The following ACSM5 variants were observed in gnomAD, a reference collection of about 807,000 sequenced individuals.
ACSM5 encodes the protein acyl-coenzyme A synthetase ACSM5, mitochondrial.
A neutral mutation model predicts 71.6 loss-of-function variants in ACSM5; 56 were observed. That is an observed-to-expected ratio of 0.78 (90% CI 0.63 to 0.98). The LOEUF is 0.98. Among genes scored for constraint, ACSM5 ranks in the 50% least tolerant of loss-of-function variants. The pLI is 0.00. For missense variants in ACSM5, 723 were observed against 726.0 expected (o/e 1.00, Z 0.05); for synonymous variants, 285 against 281.5 (o/e 1.01, Z -0.12).
chr16:20,429,087 T>G (rs1967044859), intron 7 of ACSM5, among the ~76,000 whole-genome samples: 1 of 152,200 alleles, frequency 6.6e-6, no homozygotes, highest in South Asian at 2.1e-4. Flanking sequence ...CTCAGCTCAC[T>G]GCAACATCTG....
rs756257190 is a variant in ACSM5 at position 20,437,077 on chromosome 16, C to T, written c.1334C>T (p.Ser445Leu). The T allele has an allele frequency of 4.5e-5, 73 of 1,614,004 alleles. 1 individual carries two copies. In the South Asian group the frequency reaches 7.6e-4, roughly 17 times the overall value. ...YLDNPEKTAA[S>L]EQGDFYITGD... ...GACAATCCTGAGAAGACAGCTGCAT[C>T]AGAACAAGGGGACTTTTACATCACA... The change falls in exon 11 of 14, where the codon TCA (serine) becomes TTA (leucine). Residue 445 changes from serine to leucine, a missense_variant. By Grantham distance (145) the Ser-to-Leu change is moderately radical. Coordinates refer to ENST00000331849, the MANE Select transcript of ACSM5 (RefSeq NM_017888.3).
Position 20,418,097 on chromosome 16 carries a change from C to A in ACSM5, c.243C>A (p.Val81=). Residue 81 remains valine (V), a synonymous_variant, in exon 3 of 14, where the codon GTC becomes GTA. Transcript: ENST00000331849. Reference sequence around the variant, plus strand: ...CCCCAAATCCTGCCTTCTGGTGGGTCAATGGCACAGGAGCAGAGATCAAGT... The same window carrying A: ...CCCCAAATCCTGCCTTCTGGTGGGTAAATGGCACAGGAGCAGAGATCAAGT... ...HRPPNPAFWW[V]NGTGAEIKWS... 1 of 1,613,810 alleles carries A rather than the reference C, an allele frequency of 6.2e-7. No individual in the cohort carries two copies.
intron 6 of ACSM5, among the ~76,000 whole-genome samples, chr16:20,426,127 C>G (rs1204819614): frequency 1.3e-5 from 2 of 152,146 alleles, no homozygotes; most frequent in Non-Finnish European, 2.9e-5. Flanking sequence ...GCCATTCTTG[C>G]AGGAGTAAGC....
rs537773819 is a variant in ACSM5 at position 20,433,281 on chromosome 16, C to T, written c.1308+1960C>T. Among the ~76,000 whole-genome samples the T allele has an allele frequency of 1.2e-4, 18 of 152,340 alleles. No homozygotes were observed. In the East Asian group the frequency reaches 2.3e-3, roughly 20 times the overall value. On this transcript the variant is annotated intron_variant, in intron 10 of 13. Coordinates refer to ENST00000331849, the MANE Select transcript of ACSM5 (RefSeq NM_017888.3). ...TCTGTGAGTTTTGATAAGCTAAGCT[C>T]ATTCTCCCCCTACAATAAACATAAA... is the stretch of plus-strand genomic sequence containing the variant.
In ACSM5 at chr16:20,441,182, TA is replaced by T. The variant is rs1253394544; in HGVS notation, c.*757del. Reference sequence around the variant, plus strand: ...TGAAAAATAAAGGGAAAACTGTGGTTAATTGTAATCCTCCTGGAGATTGAGG... The same window carrying T: ...TGAAAAATAAAGGGAAAACTGTGGTTATTGTAATCCTCCTGGAGATTGAGG... On this transcript the variant is annotated 3_prime_UTR_variant, in exon 14 of 14. Transcript: ENST00000331849. The T allele has an allele frequency of 1.3e-5, 2 of 152,196 alleles. No homozygotes were observed. Among genetic ancestry groups the T allele is most frequent in the African/African-American group, 2.4e-5 (1 of 41,456 alleles). 9.4% of individuals were successfully genotyped at this position (152,196 alleles called of 1,614,324 possible).
At chr16:20,437,224 G>T in intron 11 of ACSM5, 44 bp from the exon 12 acceptor site, 1 of 1,614,124 alleles carries the variant, frequency 6.2e-7, no homozygotes, top group Non-Finnish European at 8.5e-7. Flanking sequence ...ATTTCATGGG[G>T]GTTGAGGGAA....
At chr16:20,429,173 G>A (rs1393940921) in intron 7 of ACSM5, among the ~76,000 whole-genome samples, 4 of 152,014 alleles carry the variant, frequency 2.6e-5, no homozygotes, top group Non-Finnish European at 5.9e-5. Flanking sequence ...ACCATACCCA[G>A]CTAATTTTTA....
At chr16:20,423,781 T>A (rs1596616599) in intron 5 of ACSM5, 135 bp from the exon 6 acceptor site, 6 of 1,008,432 alleles carry the variant, frequency 5.9e-6, no homozygotes, top group East Asian at 2.4e-5. Context: ...GTTGACTTGA[T>A]GGTCTTGTTC....
chr16:20,438,541 C>T (rs1323336185), intron 12 of ACSM5, among the ~76,000 whole-genome samples: 2 of 148,702 alleles, frequency 1.3e-5, no homozygotes, highest in African/African-American at 5.0e-5. Flanking sequence ...CTGAAGAAAT[C>T]ATACCTCAAA....
chr16:20,429,261 C>T (rs191202906), intron 7 of ACSM5, among the ~76,000 whole-genome samples: 150 of 152,280 alleles, frequency 9.9e-4, no homozygotes, highest in Non-Finnish European at 1.8e-3. Context: ...AATCTGCCCA[C>T]CTAGGCCTCC....
intron 5 of ACSM5, 106 bp downstream of exon 5, chr16:20,421,507 C>T: frequency 8.8e-7 from 1 of 1,133,452 alleles, no homozygotes; most frequent in Non-Finnish European, 1.2e-6. Context: ...AGAGAGCCAA[C>T]AGAATTACTG....
At chr16:20,436,328 C>T (rs1967199568) in intron 10 of ACSM5, among the ~76,000 whole-genome samples, 2 of 148,164 alleles carry the variant, frequency 1.3e-5, no homozygotes, top group Admixed American at 6.8e-5. Context: ...GCCCAGGCTG[C>T]AGTGCAGTGG....
chr16:20,433,822 T>C (rs12935569), intron 10 of ACSM5, among the ~76,000 whole-genome samples: 13,117 of 149,528 alleles, frequency 0.088, 691 homozygotes, highest in East Asian at 0.19. Flanking sequence ...TACAGGCACA[T>C]GCCACCACAC....
chr16:20,428,788 T>C (rs1304952104), intron 7 of ACSM5, among the ~76,000 whole-genome samples: 1 of 152,138 alleles, frequency 6.6e-6, no homozygotes, highest in Non-Finnish European at 1.5e-5. Context: ...TCTTTGGTAA[T>C]AATAAGTAAC....
chr16:20,431,897 A>G (rs1465592526), intron 10 of ACSM5, among the ~76,000 whole-genome samples: 3 of 151,734 alleles, frequency 2.0e-5, no homozygotes, highest in African/African-American at 7.3e-5. Flanking sequence ...GTGAGCCAGG[A>G]TCATTCCACT....
At chr16:20,431,191 A>G in intron 9 of ACSM5, 29 bp from the exon 10 acceptor site, 3 of 1,603,074 alleles carry the variant, frequency 1.9e-6, no homozygotes, top group African/African-American at 1.3e-5. Context: ...ACACTCACGT[A>G]TGCACCTCTG....
intron 7 of ACSM5, among the ~76,000 whole-genome samples, 198 bp from the exon 8 acceptor site, chr16:20,429,480 A>G (rs12931412): frequency 1.2e-4 from 18 of 152,320 alleles, no homozygotes; most frequent in South Asian, 2.1e-4. Flanking sequence ...AAACTCAGAT[A>G]GGATGGATCT....
At chr16:20,420,113 T>G (rs1033009756) in intron 4 of ACSM5, among the ~76,000 whole-genome samples, 2 of 152,194 alleles carry the variant, frequency 1.3e-5, no homozygotes, top group Non-Finnish European at 2.9e-5. Context: ...TTTGAGACTT[T>G]GTCCTGATTG....
chr16:20,420,146 C>A (rs1284488387), intron 4 of ACSM5, among the ~76,000 whole-genome samples: 1 of 152,210 alleles, frequency 6.6e-6, no homozygotes, highest in African/African-American at 2.4e-5. Context: ...CAAAAGGAGC[C>A]TCTCAGGGGC....
Sources: allele counts gnomAD v4.1 joint callset (sites outside exome capture counted in the v4.1 genomes callset), GRCh38; gene constraint gnomAD v4.1.1; transcripts MANE v1.5; gene names NCBI Gene and HGNC (gene_info 2026-07-23, HGNC 2026-07-21).